The following PCDHGB3 variants were observed in gnomAD, a reference collection of about 807,000 sequenced individuals.
PCDHGB3 encodes the protein protocadherin gamma subfamily B, 3, also known as protocadherin gamma-B3.
A neutral mutation model predicts 59.2 loss-of-function variants in PCDHGB3; 40 were observed. The observed-to-expected ratio is 0.68, with a 90% CI of 0.52 to 0.88. The LOEUF (loss-of-function observed/expected upper bound fraction) is 0.88, where lower values mean the gene tolerates loss of function less well. Among genes scored for constraint, PCDHGB3 ranks in the 40% least tolerant of loss-of-function variants. The pLI is 0.00. For missense variants in PCDHGB3, 1,309 were observed against 1,187.9 expected (o/e 1.10, Z -1.50); for synonymous variants, 581 against 503.6 (o/e 1.15, Z -2.06).
intron 1 of PCDHGB3, among the ~76,000 whole-genome samples, chr5:141,456,006 T>C (rs909931677): frequency 6.6e-6 from 1 of 151,852 alleles, no homozygotes; most frequent in Non-Finnish European, 1.5e-5. Flanking sequence ...CATGCCATTC[T>C]CCTGCCTCAG....
chr5:141,427,820 G>A (rs2097075272), intron 1 of PCDHGB3: 2 of 1,532,144 alleles, frequency 1.3e-6, no homozygotes, highest in East Asian at 4.5e-5. Flanking sequence ...GCGGGGTGGT[G>A]GTCGCGCAGC....
Position 141,477,783 on chromosome 5 carries a change from T to C in PCDHGB3, c.2416-17024T>C. 1 of 1,614,078 alleles carries C rather than the reference T, an allele frequency of 6.2e-7. No individual in the cohort carries two copies. Among genetic ancestry groups the C allele is most frequent in the Non-Finnish European group, 8.5e-7 (1 of 1,180,028 alleles). On this transcript the variant is annotated intron_variant, in intron 1 of 3. Coordinates refer to ENST00000576222, the MANE Select transcript of PCDHGB3 (RefSeq NM_018924.5). The surrounding 1 kb of genome is among the most constrained non-coding windows in gnomAD (Gnocchi z 4.9). ...GCCACCAACATCAGCGTGAACATAT[T>C]TGTCACTGATCGCAATGACAATGCC...
In PCDHGB3 at chr5:141,491,105, C is replaced by T; in HGVS notation, c.2416-3702C>T. ...ACAGCCCCAGGACTGTTCCTCGTGTCTACACACACTGGTGAGGTGCGCACA... is the reference window on the plus strand; with the variant it reads ...ACAGCCCCAGGACTGTTCCTCGTGTTTACACACACTGGTGAGGTGCGCACA... On this transcript the variant is annotated intron_variant, in intron 1 of 3. Transcript: ENST00000576222. This position sits in a 1 kb window ranked among gnomAD's most constrained non-coding sequence, Gnocchi z 6.9. 1 of 1,614,222 alleles carries T rather than the reference C, an allele frequency of 6.2e-7. No individual in the cohort carries two copies. Among genetic ancestry groups the T allele is most frequent in the Non-Finnish European group, 8.5e-7 (1 of 1,180,032 alleles).
At chr5:141,488,594 C>T (rs1398982317) in intron 1 of PCDHGB3, among the ~76,000 whole-genome samples, 3 of 152,164 alleles carry the variant, frequency 2.0e-5, no homozygotes, top group African/African-American at 7.2e-5. Context: ...CAGGGCAAGA[C>T]TTTACAAGGT....
intron 1 of PCDHGB3, chr5:141,374,095 G>C (rs774100259): frequency 6.4e-7 from 1 of 1,556,900 alleles, no homozygotes. Context: ...TGGCGCCTCC[G>C]CAGAGGCATC....
intron 1 of PCDHGB3, chr5:141,385,194 G>A (rs1274561417): frequency 1.2e-6 from 2 of 1,614,124 alleles, no homozygotes; most frequent in Non-Finnish European, 1.7e-6. Flanking sequence ...ACTCTCGGAA[G>A]AGTCACCTGA....
At chr5:141,376,234 G>A (rs1426358733) in intron 1 of PCDHGB3, 91 of 1,614,096 alleles carry the variant, frequency 5.6e-5, no homozygotes, top group Non-Finnish European at 7.5e-5. Flanking sequence ...TCAGACTGCA[G>A]CGCTGGCACA....
At chr5:141,384,283 G>T (rs762515266) in intron 1 of PCDHGB3, 17 of 1,613,644 alleles carry the variant, frequency 1.1e-5, no homozygotes, top group Admixed American at 1.7e-5. Flanking sequence ...AGTCTACATC[G>T]CTGAGAACAA....
intron 1 of PCDHGB3, chr5:141,441,116 C>G (rs1358636787): frequency 3.3e-5 from 5 of 152,156 alleles, no homozygotes; most frequent in Non-Finnish European, 7.3e-5. Context: ...GTCCAGTGTA[C>G]AGTTGAGACC....
intron 1 of PCDHGB3, chr5:141,385,224 T>C (rs751833387): frequency 1.2e-6 from 2 of 1,614,206 alleles, no homozygotes; most frequent in Non-Finnish European, 1.7e-6. Context: ...AGCCCAACTA[T>C]GTAGACATGC....
At chr5:141,395,151 A>G in intron 1 of PCDHGB3, 1 of 1,612,516 alleles carries the variant, frequency 6.2e-7, no homozygotes, top group Non-Finnish European at 8.5e-7. Flanking sequence ...AGACATGCTC[A>G]TCAGTCAGGA....
At chr5:141,426,586 G>A (rs2096944939) in intron 1 of PCDHGB3, 1 of 363,442 alleles carries the variant, frequency 2.8e-6, no homozygotes, top group African/African-American at 2.1e-5. Flanking sequence ...AAAATCCTCT[G>A]TGTCATACCC....
At chr5:141,459,703 T>G (rs2098973426) in intron 1 of PCDHGB3, among the ~76,000 whole-genome samples, 1 of 152,226 alleles carries the variant, frequency 6.6e-6, no homozygotes, top group African/African-American at 2.4e-5. Context: ...CTTGCTACAT[T>G]TTCTCACCAA....
intron 1 of PCDHGB3, chr5:141,421,025 A>G: frequency 5.7e-6 from 3 of 526,286 alleles, no homozygotes; most frequent in East Asian, 3.2e-5. Context: ...GCTGCGCGCC[A>G]TTGAGTCCCT....
chr5:141,399,713 A>C (rs1353862646), intron 1 of PCDHGB3: 1 of 1,613,326 alleles, frequency 6.2e-7, no homozygotes, highest in Non-Finnish European at 8.5e-7. Context: ...CTCACACTAC[A>C]GGCCCGCGAC....
At chr5:141,389,462 C>G in intron 1 of PCDHGB3, 1 of 1,613,316 alleles carries the variant, frequency 6.2e-7, no homozygotes, top group East Asian at 2.2e-5. Flanking sequence ...TGCGCGCCTT[C>G]GAACTCACAC....
chr5:141,422,703 G>GA, intron 1 of PCDHGB3: 1 of 1,603,132 alleles, frequency 6.2e-7, no homozygotes, highest in African/African-American at 1.3e-5. Context: ...CTTACTCTCT[G>GA]ACGGATGACA....
At chr5:141,385,013 T>C (rs1588986326) in intron 1 of PCDHGB3, 1 of 1,614,162 alleles carries the variant, frequency 6.2e-7, no homozygotes, top group Non-Finnish European at 8.5e-7. Context: ...TGCGTCTTCC[T>C]AGCCTTCGTC....
rs1315225126 is a variant in PCDHGB3 at position 141,487,926 on chromosome 5, A to G, written c.2416-6881A>G. The G allele has an allele frequency of 2.2e-5, 14 of 626,676 alleles. No individual in the cohort carries two copies. Among genetic ancestry groups the G allele is most frequent in the Non-Finnish European group, 3.9e-5 (14 of 359,988 alleles). The allele number at this position is 626,676 out of a possible 1,614,324, so 38.8% of individuals were successfully genotyped here. ...GTGGGAGCACAGGAGGCTACAGTGC[A>G]CAGGGTACAGTGCACCAGGCAGTCA... On this transcript the variant is annotated intron_variant, in intron 1 of 3. Coordinates refer to ENST00000576222, the MANE Select transcript of PCDHGB3 (RefSeq NM_018924.5). The surrounding 1 kb of genome is among the most constrained non-coding windows in gnomAD (Gnocchi z 5.0).
Sources: allele counts gnomAD v4.1 joint callset (sites outside exome capture counted in the v4.1 genomes callset), GRCh38; gene constraint gnomAD v4.1.1; non-coding constraint Gnocchi (gnomAD v3.1); transcripts MANE v1.5; gene names NCBI Gene and HGNC (gene_info 2026-07-23, HGNC 2026-07-21).